The following LDB2 variants were observed in gnomAD, a reference collection of about 807,000 sequenced individuals.
The protein encoded by LDB2 is LIM domain-binding protein 2.
LDB2 carries 12 observed loss-of-function variants against 44.3 expected under a neutral mutation model. The observed-to-expected ratio is 0.27, with a 90% CI of 0.17 to 0.44. LDB2 has a LOEUF of 0.44. LDB2 is among the 20% of genes least tolerant of loss of function. LDB2 has a pLI of 1.00. For missense variants in LDB2, 344 were observed against 473.5 expected (o/e 0.73, Z 2.54); for synonymous variants, 164 against 174.8 (o/e 0.94, Z 0.49).
intron 2 of LDB2, among the ~76,000 whole-genome samples, chr4:16,634,370 G>A (rs1055644778): frequency 5.4e-5 from 8 of 148,948 alleles, no homozygotes; most frequent in Non-Finnish European, 1.2e-4. Flanking sequence ...TTTTGCATTG[G>A]AGAAAATTTT....
chr4:16,597,312 T>C (rs976642712), intron 2 of LDB2, among the ~76,000 whole-genome samples: 2 of 152,170 alleles, frequency 1.3e-5, no homozygotes, highest in African/African-American at 4.8e-5. Flanking sequence ...CTGCTAAATA[T>C]TCCAGGATTT....
chr4:16,545,314 G>A (rs1403891735), intron 5 of LDB2, among the ~76,000 whole-genome samples: 2 of 152,006 alleles, frequency 1.3e-5, no homozygotes, highest in African/African-American at 2.4e-5. Flanking sequence ...GAAGGGCCTT[G>A]GGTTTCCTCC....
At chr4:16,857,434 T>A (rs1320880786) in intron 1 of LDB2, among the ~76,000 whole-genome samples, 1 of 152,192 alleles carries the variant, frequency 6.6e-6, no homozygotes, top group East Asian at 1.9e-4. Context: ...CTTCATAGCA[T>A]CCAGGGTGAG....
intron 2 of LDB2, among the ~76,000 whole-genome samples, chr4:16,662,480 A>C (rs1470093600): frequency 5.9e-5 from 9 of 152,190 alleles, no homozygotes; most frequent in Admixed American, 5.9e-4. Context: ...TATATCATCC[A>C]ATCATAACAA....
At chr4:16,550,683 T>C (rs1328654145) in intron 5 of LDB2, among the ~76,000 whole-genome samples, 2 of 152,340 alleles carry the variant, frequency 1.3e-5, no homozygotes, top group South Asian at 2.1e-4. Flanking sequence ...GGAGTGCAAA[T>C]TGGCACAAGC....
At chr4:16,672,507 T>C (rs1578659188) in intron 2 of LDB2, among the ~76,000 whole-genome samples, 1 of 152,214 alleles carries the variant, frequency 6.6e-6, no homozygotes, top group East Asian at 1.9e-4. Context: ...GAGCCCTTAC[T>C]TTCTTGTGTT....
rs138917985 is a variant in LDB2, at chr4:16,791,478, G to C, written c.133-32218C>G. ...GCTGAGGCAGGAGAATTGCTTGAACGGGGGAGGCGGAGGTTGCAGTGAGCT... is the reference window on the plus strand; with the variant it reads ...GCTGAGGCAGGAGAATTGCTTGAACCGGGGAGGCGGAGGTTGCAGTGAGCT... On this transcript the variant is annotated intron_variant, in intron 1 of 7. Coordinates refer to ENST00000304523, the MANE Select transcript of LDB2 (RefSeq NM_001290.5). 2.7e-5 allele frequency among the ~76,000 whole-genome samples: 4 copies of C among 148,190 alleles called. No homozygotes were observed. The East Asian group carries it at 6.0e-4, about 22-fold the overall frequency.
At chr4:16,757,486 G>A (rs186349465) in intron 2 of LDB2, among the ~76,000 whole-genome samples, 193 of 152,262 alleles carry the variant, frequency 1.3e-3, no homozygotes, top group Non-Finnish European at 1.8e-3. Context: ...GATGGACAGA[G>A]GGAAGAGCCA....
At position 16,502,588 on chromosome 4, in the gene LDB2, C is replaced by G; in HGVS notation, c.*55G>C. ...TTCCTCTCCTGTAAGTAAAGATTTG[C>G]AATTGTAATGATCACCCACGGGCCT... is the stretch of plus-strand genomic sequence containing the variant. On this transcript the variant is annotated 3_prime_UTR_variant, in exon 8 of 8. Coordinates refer to ENST00000304523, the MANE Select transcript of LDB2 (RefSeq NM_001290.5). 6.3e-7 allele frequency: 1 copy of G among 1,593,626 alleles called. No homozygotes were observed. The highest frequency in any genetic ancestry group is 1.1e-5 in the South Asian group (1 of 90,566).
At chr4:16,775,178 C>G (rs1240033382) in intron 1 of LDB2, among the ~76,000 whole-genome samples, 1 of 152,176 alleles carries the variant, frequency 6.6e-6, no homozygotes, top group African/African-American at 2.4e-5. Context: ...TTATACCTCA[C>G]TCTTAATTGT....
chr4:16,594,780 C>T (rs947186666), intron 3 of LDB2, among the ~76,000 whole-genome samples: 7 of 152,242 alleles, frequency 4.6e-5, no homozygotes, highest in African/African-American at 1.4e-4. Flanking sequence ...ATAAAGAGAG[C>T]GTTGTCATTT....
intron 2 of LDB2, among the ~76,000 whole-genome samples, chr4:16,704,205 C>G (rs1182118932): frequency 2.0e-5 from 3 of 152,190 alleles, no homozygotes; most frequent in African/African-American, 4.8e-5. Context: ...ACTACAAAAA[C>G]CCCTGTCCCT....
intron 7 of LDB2, chr4:16,505,770 G>A: frequency 6.9e-7 from 1 of 1,448,382 alleles, no homozygotes; most frequent in Non-Finnish European, 9.2e-7. Flanking sequence ...CTTGCTGGAA[G>A]CCCGGAGGTG....
intron 2 of LDB2, among the ~76,000 whole-genome samples, chr4:16,748,434 T>C (rs1434349365): frequency 6.6e-6 from 1 of 152,224 alleles, no homozygotes; most frequent in African/African-American, 2.4e-5. Context: ...TATGATTACC[T>C]TGATTAAACA....
At chr4:16,869,305 T>TAAA (rs33934693) in intron 1 of LDB2, among the ~76,000 whole-genome samples, 24 of 139,100 alleles carry the variant, frequency 1.7e-4, no homozygotes, top group African/African-American at 5.2e-4. Flanking sequence ...GCAAAAGTCA[T>TAAA]AAAAAAAAAA....
intron 1 of LDB2, among the ~76,000 whole-genome samples, chr4:16,789,084 T>A (rs1775135604): frequency 6.6e-6 from 1 of 152,026 alleles, no homozygotes; most frequent in African/African-American, 2.4e-5. Flanking sequence ...GAGCACACAC[T>A]GGTTGGGGGA....
intron 2 of LDB2, among the ~76,000 whole-genome samples, chr4:16,729,248 G>A (rs1171178615): frequency 6.6e-6 from 1 of 152,118 alleles, no homozygotes; most frequent in Non-Finnish European, 1.5e-5. Context: ...TTCTCCTCAT[G>A]CTGTGAATGA....
intron 5 of LDB2, among the ~76,000 whole-genome samples, chr4:16,513,667 G>T (rs1722618896): frequency 6.6e-6 from 1 of 152,078 alleles, no homozygotes; most frequent in African/African-American, 2.4e-5. Flanking sequence ...TGTTTCATTG[G>T]GTCTTGAGGT....
intron 2 of LDB2, among the ~76,000 whole-genome samples, chr4:16,684,662 C>T (rs966756240): frequency 6.6e-5 from 10 of 152,138 alleles, no homozygotes; most frequent in Admixed American, 3.9e-4. Flanking sequence ...CTAATATATT[C>T]AGGTTTTAGC....
Sources: gnomAD v4.1 joint callset for allele counts (sites outside exome capture counted in the v4.1 genomes callset) on GRCh38, gnomAD v4.1.1 for gene constraint, MANE v1.5 for transcripts, NCBI Gene and HGNC (gene_info 2026-07-23, HGNC 2026-07-21) for gene names.